The following IMPDH2 variants were observed in gnomAD, a reference collection of about 807,000 sequenced individuals.
The protein encoded by IMPDH2 is inosine monophosphate dehydrogenase 2, also known as inosine-5'-monophosphate dehydrogenase 2.
Under a neutral mutation model 57.8 loss-of-function variants are expected in IMPDH2, and 33 were observed. The ratio of observed to expected loss-of-function variants is 0.57; its 90% confidence interval spans 0.43 to 0.76. IMPDH2 has a LOEUF of 0.76. Among genes scored for constraint, IMPDH2 ranks in the 30% least tolerant of loss-of-function variants. The pLI, the probability that IMPDH2 is intolerant of heterozygous loss-of-function variation, is 0.00. For synonymous variants in IMPDH2, 270 were observed against 241.3 expected (o/e 1.12, Z -1.10); for missense variants, 446 against 659.1 (o/e 0.68, Z 3.54).
intron 11 of IMPDH2, 28 bp from the exon 12 acceptor site, chr3:49,024,830 A>AG: frequency 6.2e-7 from 1 of 1,614,104 alleles, no homozygotes. Flanking sequence ...GACACGGGCA[A>AG]GGTCACAGCA....
intron 5 of IMPDH2, 82 bp from the exon 6 acceptor site, chr3:49,027,129 A>G (rs1054213409): frequency 2.1e-5 from 23 of 1,084,914 alleles, no homozygotes; most frequent in Non-Finnish European, 3.1e-5. Context: ...CAAGTAGCTG[A>G]GCTCAGAGGC....
At position 49,027,931 on chromosome 3, in the gene IMPDH2, T is replaced by C; in HGVS notation, c.325-15A>G. ...TGTTCATATTTCTGGAAAGGGATGG[T>C]GAGAAAGGGCATCGCATCTTTGAAC... On this transcript the variant is annotated splice_polypyrimidine_tract_variant and intron_variant, in intron 4 of 13. Transcript: ENST00000326739. The C allele has an allele frequency of 6.3e-7, 1 of 1,587,990 alleles. No individual in the cohort carries two copies. Among genetic ancestry groups the C allele is most frequent in the Non-Finnish European group, 8.6e-7 (1 of 1,157,314 alleles).
chr3:49,024,685 A>C lies in IMPDH2; in HGVS notation c.1413T>G (p.Ile471Met). The change falls in exon 12 of 14, where the codon ATT becomes ATG. Residue 471 changes from isoleucine to methionine, a missense_variant. By Grantham distance (10) the Ile-to-Met change is conservative. Coordinates refer to ENST00000326739, the MANE Select transcript of IMPDH2 (RefSeq NM_000884.3). ...IAGIQHSCQD[I>M]GAKSLTQVRA... Reference sequence around the variant, plus strand: ...GGACTTGGGTCAAGCTCTTGGCACCAATGTCCTGGCATGAGTGTTGGATGC... The same window carrying C: ...GGACTTGGGTCAAGCTCTTGGCACCCATGTCCTGGCATGAGTGTTGGATGC... The C allele has an allele frequency of 6.2e-7, 1 of 1,614,242 alleles. No homozygotes were observed. Among genetic ancestry groups the C allele is most frequent in the Non-Finnish European group, 8.5e-7 (1 of 1,180,044 alleles).
At position 49,026,905 on chromosome 3, in the gene IMPDH2, A is replaced by G. The variant is rs754329245; in HGVS notation, c.620-19T>C. 1.3e-5 allele frequency: 21 copies of G among 1,613,956 alleles called. No homozygotes were observed. The highest frequency in any genetic ancestry group is 1.8e-5 in the Non-Finnish European group (21 of 1,179,888). ...AACTTTCCTGTGGTCAGGGCAGGAC[A>G]TGAATCAGGACCCTAGGCATTAGTT... On this transcript the variant is annotated intron_variant, in intron 6 of 13. Transcript: ENST00000326739.
chr3:49,026,762 T>C lies in IMPDH2; in HGVS notation c.744A>G (p.Ala248=), dbSNP rs764188331. ...TGTCATCCTCATGAGTGCCAATGGCTGCCCCACACAGCAGCTGTTTCTTGG... is the reference window on the plus strand; with the variant it reads ...TGTCATCCTCATGAGTGCCAATGGCCGCCCCACACAGCAGCTGTTTCTTGG... ...KDAKKQLLCG[A]AIGTHEDDKY... Residue 248 remains alanine (A), a synonymous_variant, in exon 7 of 14, where the codon GCA becomes GCG. Coordinates refer to ENST00000326739, the MANE Select transcript of IMPDH2 (RefSeq NM_000884.3). The C allele has an allele frequency of 8.7e-6, 14 of 1,614,232 alleles. No individual in the cohort carries two copies. The highest frequency in any genetic ancestry group is 8.5e-6 in the Non-Finnish European group (10 of 1,180,024).
At chr3:49,027,410 T>G (rs1485491606) in intron 5 of IMPDH2, among the ~76,000 whole-genome samples, 1 of 152,150 alleles carries the variant, frequency 6.6e-6, no homozygotes, top group Non-Finnish European at 1.5e-5. Context: ...GAGCACCCTC[T>G]TACACTATGG....
intron 1 of IMPDH2, 76 bp from the exon 2 acceptor site, chr3:49,028,882 TCA>T: frequency 8.6e-7 from 1 of 1,168,932 alleles, no homozygotes; most frequent in East Asian, 2.4e-5. Context: ...CATGTACCAA[TCA>T]ACCCGTAACG....
Position 49,026,938 on chromosome 3 carries a change from C to T in IMPDH2, c.619+22G>A, listed in dbSNP as rs758503254. 15 of 1,613,588 alleles carry T rather than the reference C, an allele frequency of 9.3e-6. No homozygotes were observed. The South Asian group carries it at 1.5e-4, about 17-fold the overall frequency. On this transcript the variant is annotated intron_variant, in intron 6 of 13. Transcript: ENST00000326739. ...GGACCCTAGGCATTAGTTCCAGGCCCTTTCCCAGCTCTAGGACTTACCCTT... is the reference window on the plus strand; with the variant it reads ...GGACCCTAGGCATTAGTTCCAGGCCTTTTCCCAGCTCTAGGACTTACCCTT...
At chr3:49,024,471 C>G (rs761437187) in intron 13 of IMPDH2, 24 bp downstream of exon 13, 1 of 1,614,042 alleles carries the variant, frequency 6.2e-7, no homozygotes. Flanking sequence ...TGGCAGAGGC[C>G]CCACCAAGGA....
At chr3:49,025,101 G>A (rs1411792540) in intron 10 of IMPDH2, 25 bp downstream of exon 10, 3 of 1,614,224 alleles carry the variant, frequency 1.9e-6, no homozygotes, top group Non-Finnish European at 1.7e-6. Flanking sequence ...GGGTCCCACT[G>A]GCCTTCACGG....
Position 49,024,787 on chromosome 3 carries a change from G to A in IMPDH2, c.1311C>T (p.Ile437=). ...QNRYFSEADK[I]KVAQGVSGAV... is the part of the protein sequence containing the mutation. ...CACCAGACACTCCCTGGGCCACTTT[G>A]ATTTTGTCAGCTTCACTGCAGGGAG... Residue 437 remains isoleucine (I), a synonymous_variant, in exon 12 of 14, where the codon ATC becomes ATT. Coordinates refer to ENST00000326739, the MANE Select transcript of IMPDH2 (RefSeq NM_000884.3). 6.2e-7 allele frequency: 1 copy of A among 1,614,196 alleles called. No individual in the cohort carries two copies. The highest frequency in any genetic ancestry group is 1.6e-4 in the Middle Eastern group (1 of 6,062).
At chr3:49,028,185 C>T in intron 4 of IMPDH2, 63 bp downstream of exon 4, 2 of 1,335,842 alleles carry the variant, frequency 1.5e-6, no homozygotes, top group Non-Finnish European at 2.2e-6. Flanking sequence ...ACCCCTACTC[C>T]CACCCCACCC....
chr3:49,026,523 G>A lies in IMPDH2; in HGVS notation c.906C>T (p.Gly302=). Residue 302 remains glycine (G), a synonymous_variant, in exon 8 of 14, where the codon GGC becomes GGT. Coordinates refer to ENST00000326739, the MANE Select transcript of IMPDH2 (RefSeq NM_000884.3). ...DKYPNLQVIG[G]NVVTAAQAKN... Reference sequence around the variant, plus strand: ...CAGGGCACAATCTTGCCTTACCATTGCCTCCAATGACTTGGAGATTAGGGT... The same window carrying A: ...CAGGGCACAATCTTGCCTTACCATTACCTCCAATGACTTGGAGATTAGGGT... 2 of 1,609,502 alleles carry A rather than the reference G, an allele frequency of 1.2e-6. No individual in the cohort carries two copies. Among genetic ancestry groups the A allele is most frequent in the South Asian group, 2.2e-5 (2 of 91,010 alleles).
Position 49,026,726 on chromosome 3 carries a change from C to T in IMPDH2, c.780G>A (p.Leu260=). ...IGTHEDDKYR[L]DLLAQAGVDV... Reference sequence around the variant, plus strand: ...CCACACCAGCCTGGGCGAGCAAGTCCAGCCTATACTTGTCATCCTCATGAG... The same window carrying T: ...CCACACCAGCCTGGGCGAGCAAGTCTAGCCTATACTTGTCATCCTCATGAG... The change falls in exon 7 of 14, where the codon CTG becomes CTA. Residue 260 remains leucine, a synonymous_variant. Coordinates refer to ENST00000326739, the MANE Select transcript of IMPDH2 (RefSeq NM_000884.3). The T allele has an allele frequency of 1.2e-6, 2 of 1,614,216 alleles. No homozygotes were observed. The highest frequency in any genetic ancestry group is 1.7e-6 in the Non-Finnish European group (2 of 1,180,032).
Position 49,026,858 on chromosome 3 carries a change from A to T in IMPDH2, c.648T>A (p.Asp216Glu), listed in dbSNP as rs1002423663. The change falls in exon 7 of 14, where the codon GAT becomes GAA. Residue 216 changes from aspartate (D) to glutamate (E), a missense_variant. Physicochemically the swap from Asp to Glu is conservative, Grantham distance 45 (BLOSUM62 2). Transcript: ENST00000326739. ...KGKLPIVNED[D>E]ELVAIIARTD... ...TCCGGGCAATGATGGCCACAAGCTC[A>T]TCATCTTCATTTACAATGGGCAACT... 2 of 1,609,238 alleles carry T rather than the reference A, an allele frequency of 1.2e-6. No individual in the cohort carries two copies. Among genetic ancestry groups the T allele is most frequent in the African/African-American group, 2.7e-5 (2 of 74,838 alleles).
rs752628665 is a variant in IMPDH2 at position 49,029,385 on chromosome 3, A to T, written c.-35T>A. On this transcript the variant is annotated 5_prime_UTR_variant, in exon 1 of 14. Transcript: ENST00000326739. The stretch of plus-strand genomic sequence containing the variant: ...AGGACACCGCCGCGTGTCTCCGAGG[A>T]CCGCGCCGCAGAGACCTCTGCCGTC... The T allele has an allele frequency of 6.3e-6, 9 of 1,428,306 alleles. No individual in the cohort carries two copies. The highest frequency in any genetic ancestry group is 4.8e-6 in the Non-Finnish European group (5 of 1,032,900). 88.5% of individuals were successfully genotyped at this position (1,428,306 alleles called of 1,614,324 possible).
rs1322627617 is a variant in IMPDH2, at chr3:49,029,289, T to C, written c.62A>G (p.Gln21Arg). The change falls in exon 1 of 14, where the codon CAG becomes CGG. Residue 21 changes from glutamine (Q) to arginine (R), a missense_variant. Gln to Arg is a conservative substitution (Grantham distance 43). Coordinates refer to ENST00000326739, the MANE Select transcript of IMPDH2 (RefSeq NM_000884.3). Reference sequence around the variant, plus strand: ...GCCGTCTCCGCAGTTGAAGAGCTGCTGTGCTGTGAGTCCGTCGTCTGGCAC... The same window carrying C: ...GCCGTCTCCGCAGTTGAAGAGCTGCCGTGCTGTGAGTCCGTCGTCTGGCAC... ...SYVPDDGLTAQQLFNCGDGLT... is the reference protein window; with the variant it reads ...SYVPDDGLTARQLFNCGDGLT... The C allele has an allele frequency of 2.5e-6, 4 of 1,608,596 alleles. No homozygotes were observed. The highest frequency in any genetic ancestry group is 2.5e-6 in the Non-Finnish European group (3 of 1,177,714).
Position 49,028,441 on chromosome 3 carries a change from A to G in IMPDH2, c.239T>C (p.Ile80Thr). The G allele has an allele frequency of 6.2e-7, 1 of 1,613,828 alleles. No individual in the cohort carries two copies. The highest frequency in any genetic ancestry group is 8.5e-7 in the Non-Finnish European group (1 of 1,179,702). Residue 80 changes from isoleucine to threonine, a missense_variant, in exon 3 of 14, where the codon ATA becomes ACA. Ile to Thr is a moderately conservative substitution (Grantham distance 89). Transcript: ENST00000326739. ...MDTVTEAGMA[I>T]AMALTGGIGF... ...CCCCATGGGGCTCACCGCCATTGCT[A>G]TGGCCATCCCAGCCTCTGTGACTGT...
chr3:49,028,015 A>C, intron 4 of IMPDH2, 99 bp from the exon 5 acceptor site: 1 of 992,910 alleles, frequency 1.0e-6, no homozygotes, highest in Non-Finnish European at 1.5e-6. Flanking sequence ...TCCCTTTGGC[A>C]GTGCCACAAG....
Sources: allele counts gnomAD v4.1 joint callset (sites outside exome capture counted in the v4.1 genomes callset), GRCh38; gene constraint gnomAD v4.1.1; transcripts MANE v1.5; gene names NCBI Gene and HGNC (gene_info 2026-07-23, HGNC 2026-07-21).